The following SOS2 variants were observed in gnomAD, a reference collection of about 807,000 sequenced individuals.
The protein encoded by SOS2 is son of sevenless homolog 2.
In SOS2, 65 loss-of-function variants were observed where a neutral mutation model predicts 148.2. The ratio of observed to expected loss-of-function variants is 0.44; its 90% CI spans 0.36 to 0.54. The LOEUF is 0.54. Ranked by LOEUF, SOS2 falls within the 20% of genes least tolerant of loss-of-function variation. SOS2 has a pLI of 0.00. For synonymous variants in SOS2, 539 were observed against 537.1 expected, an observed-to-expected ratio of 1.00 and a Z score of -0.05; for missense variants, 1,341 against 1,590.2, an observed-to-expected ratio of 0.84 and a Z score of 2.67.
chr14:50,140,975 C>T (rs549910084), intron 16 of SOS2, among the ~76,000 whole-genome samples: 47 of 149,842 alleles, frequency 3.1e-4, no homozygotes, highest in Middle Eastern at 3.8e-3. Context: ...GAGGCTGAGG[C>T]GGGCGGATCA....
chr14:50,143,307 C>CA (rs1884355000), intron 16 of SOS2, among the ~76,000 whole-genome samples: 1 of 125,550 alleles, frequency 8.0e-6, no homozygotes, highest in Non-Finnish European at 1.6e-5. Context: ...GCCTGGGTGA[C>CA]AGAGCAAGCT....
intron 1 of SOS2, among the ~76,000 whole-genome samples, chr14:50,221,257 T>G (rs1267077454): frequency 6.6e-6 from 1 of 152,158 alleles, no homozygotes. Context: ...TTTTTTCCCC[T>G]GTGAACTGGG....
intron 3 of SOS2, among the ~76,000 whole-genome samples, chr14:50,200,123 TA>T (rs1886440346): frequency 6.6e-6 from 1 of 152,166 alleles, no homozygotes; most frequent in South Asian, 2.1e-4. Context: ...TGGACTCCAC[TA>T]AAAGCCTCTT....
chr14:50,118,899 A>G, intron 22 of SOS2, 46 bp from the exon 23 acceptor site: 1 of 850,258 alleles, frequency 1.2e-6, no homozygotes, highest in Non-Finnish European at 1.6e-6. Flanking sequence ...CTGAAAAATT[A>G]AAAAAAAAAA....
intron 1 of SOS2, among the ~76,000 whole-genome samples, chr14:50,222,878 T>C (rs1336985055): frequency 6.6e-6 from 1 of 152,156 alleles, no homozygotes; most frequent in African/African-American, 2.4e-5. Flanking sequence ...ATCTCACTTA[T>C]CTCTTTGTGT....
chr14:50,189,089 A>ACG (rs1246950107), intron 4 of SOS2, among the ~76,000 whole-genome samples: 1 of 150,538 alleles, frequency 6.6e-6, no homozygotes, highest in Non-Finnish European at 1.5e-5. Context: ...ACACACACAC[A>ACG]CACACACACA....
chr14:50,199,318 C>T (rs58348432), intron 4 of SOS2, among the ~76,000 whole-genome samples: 3,439 of 152,252 alleles, frequency 0.023, 132 homozygotes, highest in African/African-American at 0.076. Flanking sequence ...TTTTCTCTCC[C>T]CTGTGCCTCA....
At chr14:50,133,249 C>CTTTTTTT (rs1175960937) in intron 19 of SOS2, among the ~76,000 whole-genome samples, 5 of 105,630 alleles carry the variant, frequency 4.7e-5, no homozygotes, top group Admixed American at 1.4e-4. Flanking sequence ...TTTCTTTTTT[C>CTTTTTTT]TTTTTTTTTT....
chr14:50,160,187 A>C, intron 9 of SOS2, 101 bp from the exon 10 acceptor site: 2 of 866,850 alleles, frequency 2.3e-6, no homozygotes, highest in Non-Finnish European at 3.5e-6. Context: ...TAAATAACCA[A>C]ACAGTAGCTT....
At chr14:50,119,787 C>G (rs1233461220) in intron 22 of SOS2, among the ~76,000 whole-genome samples, 2 of 146,302 alleles carry the variant, frequency 1.4e-5, no homozygotes, top group Non-Finnish European at 3.0e-5. Flanking sequence ...CTGCCTGCCT[C>G]AGCCTCCCAA....
intron 5 of SOS2, among the ~76,000 whole-genome samples, chr14:50,186,187 A>C (rs1420345492): frequency 6.6e-6 from 1 of 152,326 alleles, no homozygotes; most frequent in South Asian, 2.1e-4. Context: ...ATTTTACTTA[A>C]TGCTAAAAAA....
chr14:50,224,343 AC>A (rs2139867308), intron 1 of SOS2, among the ~76,000 whole-genome samples: 1 of 148,502 alleles, frequency 6.7e-6, no homozygotes, highest in East Asian at 2.0e-4. Flanking sequence ...ACACACACAC[AC>A]ACACACACAC....
chr14:50,223,100 C>T (rs1887246488), intron 1 of SOS2, among the ~76,000 whole-genome samples: 1 of 152,088 alleles, frequency 6.6e-6, no homozygotes, highest in East Asian at 1.9e-4. Flanking sequence ...AGACAATATT[C>T]AAGAATAACT....
At chr14:50,181,873 C>T (rs189804375) in intron 6 of SOS2, among the ~76,000 whole-genome samples, 2 of 151,328 alleles carry the variant, frequency 1.3e-5, no homozygotes, top group African/African-American at 4.8e-5. Flanking sequence ...ATGATTTTTA[C>T]TTTGGAAAAC....
intron 2 of SOS2, among the ~76,000 whole-genome samples, chr14:50,203,753 T>C (rs1354896913): frequency 2.0e-5 from 3 of 151,990 alleles, no homozygotes; most frequent in African/African-American, 4.8e-5. Context: ...GAAATGCTTA[T>C]GTCTGTGTAA....
intron 16 of SOS2, among the ~76,000 whole-genome samples, chr14:50,143,431 A>T (rs1011878383): frequency 6.6e-6 from 1 of 152,038 alleles, no homozygotes; most frequent in African/African-American, 2.4e-5. Context: ...ATACATATTC[A>T]ACCTCACTAG....
chr14:50,217,365 A>C (rs1056904100), intron 1 of SOS2, among the ~76,000 whole-genome samples: 2 of 152,204 alleles, frequency 1.3e-5, no homozygotes, highest in East Asian at 3.8e-4. Context: ...AAAGTGATTC[A>C]AATGAGTCAT....
chr14:50,158,074 A>C (rs1348864754), intron 11 of SOS2, among the ~76,000 whole-genome samples: 2 of 152,130 alleles, frequency 1.3e-5, no homozygotes, highest in Non-Finnish European at 2.9e-5. Context: ...TTAAATTTGT[A>C]GGGAAACAGA....
At chr14:50,127,000 T>C (rs1883699991) in intron 21 of SOS2, among the ~76,000 whole-genome samples, 1 of 152,072 alleles carries the variant, frequency 6.6e-6, no homozygotes, top group African/African-American at 2.4e-5. Flanking sequence ...TTCTTCAACA[T>C]ATTGTGGCAG....
Sources: gnomAD v4.1 joint callset for allele counts (sites outside exome capture counted in the v4.1 genomes callset) on GRCh38, gnomAD v4.1.1 for gene constraint, MANE v1.5 for transcripts, NCBI Gene and HGNC (gene_info 2026-07-23, HGNC 2026-07-21) for gene names.